CCDC134: variants seen among roughly 807,000 people sequenced by gnomAD.
CCDC134 encodes coiled-coil domain containing 134, also known as coiled-coil domain-containing protein 134.
In CCDC134, 27 loss-of-function variants were observed where a neutral mutation model predicts 25.6. The ratio of observed to expected loss-of-function variants is 1.05; its 90% CI spans 0.78 to 1.45. CCDC134 has a LOEUF of 1.45. Among genes scored for constraint, CCDC134 ranks in the 40% most tolerant of loss-of-function variants. The pLI, the probability that CCDC134 is intolerant of heterozygous loss-of-function variation, is 0.00. For missense variants in CCDC134, 261 were observed against 286.7 expected (o/e 0.91, Z 0.65); for synonymous variants, 110 against 115.0 (o/e 0.96, Z 0.28).
chr22:41,810,131 G>A, intron 3 of CCDC134, 76 bp from the exon 4 acceptor site: 1 of 1,593,634 alleles, frequency 6.3e-7, no homozygotes, highest in Non-Finnish European at 8.6e-7. Flanking sequence ...CTTGAAGTGG[G>A]GTTTAAATAA....
chr22:41,817,506 C>T (rs114633629), intron 6 of CCDC134, among the ~76,000 whole-genome samples: 2,595 of 151,976 alleles, frequency 0.017, 86 homozygotes, highest in African/African-American at 0.058. Context: ...CCGAGGCAGG[C>T]GGATTGCCTG....
In CCDC134 at chr22:41,825,991, C is replaced by T; in HGVS notation, c.*168C>T. The T allele has an allele frequency of 1.1e-6, 1 of 880,164 alleles. No homozygotes were observed. The highest frequency in any genetic ancestry group is 1.7e-6 in the Non-Finnish European group (1 of 572,378). 54.5% of individuals were successfully genotyped at this position (880,164 alleles called of 1,614,324 possible). A position where few individuals can be genotyped will look rare whatever the true frequency, so the allele number is the denominator to read the frequency against. ...CTGAGCCCCAGCTGAAGGGACTGAG[C>T]CTCAGATGGCTGGATTTTCTCTCAG... On this transcript the variant is annotated 3_prime_UTR_variant, in exon 7 of 7. Coordinates refer to ENST00000255784, the MANE Select transcript of CCDC134 (RefSeq NM_024821.5). This position sits in a 1 kb window ranked among gnomAD's most constrained non-coding sequence, Gnocchi z 4.4.
At chr22:41,816,769 T>G (rs1312699514) in intron 6 of CCDC134, among the ~76,000 whole-genome samples, 1 of 151,984 alleles carries the variant, frequency 6.6e-6, no homozygotes, top group African/African-American at 2.4e-5. Context: ...AATACAAAAA[T>G]TATCCGGGTG....
intron 6 of CCDC134, among the ~76,000 whole-genome samples, chr22:41,819,907 C>T (rs145762771): frequency 0.011 from 1,602 of 146,702 alleles, 37 homozygotes; most frequent in African/African-American, 0.04. Flanking sequence ...GAGGTCTTCA[C>T]AAGGGCTTTG....
At chr22:41,813,957 T>C in intron 6 of CCDC134, 135 bp downstream of exon 6, 1 of 695,412 alleles carries the variant, frequency 1.4e-6, no homozygotes, top group East Asian at 2.6e-5. Context: ...CCAGAAGATA[T>C]CACTGACTCA....
chr22:41,808,275 A>G (rs1184185595), intron 1 of CCDC134, among the ~76,000 whole-genome samples: 1 of 151,946 alleles, frequency 6.6e-6, no homozygotes, highest in Non-Finnish European at 1.5e-5. Flanking sequence ...AAGCCCCCTT[A>G]CCCCGAGACT....
chr22:41,815,494 C>T (rs541284912), intron 6 of CCDC134, among the ~76,000 whole-genome samples: 11 of 152,146 alleles, frequency 7.2e-5, no homozygotes, highest in African/African-American at 1.4e-4. Flanking sequence ...CGTGAGCCAC[C>T]GCACCCGGCC....
intron 2 of CCDC134, among the ~76,000 whole-genome samples, chr22:41,809,575 T>C (rs1210118021): frequency 6.6e-6 from 1 of 151,514 alleles, no homozygotes; most frequent in Admixed American, 6.6e-5. Context: ...AGCAGAGAGG[T>C]GGAGGCTCTG....
intron 1 of CCDC134, among the ~76,000 whole-genome samples, chr22:41,805,437 T>TA (rs139464918): frequency 6.6e-6 from 1 of 151,496 alleles, no homozygotes; most frequent in Non-Finnish European, 1.5e-5. Context: ...AAAAATAAAA[T>TA]AAAAAAAAGA....
At chr22:41,803,953 A>T (rs1197067419) in intron 1 of CCDC134, among the ~76,000 whole-genome samples, 1 of 151,730 alleles carries the variant, frequency 6.6e-6, no homozygotes, top group Non-Finnish European at 1.5e-5. Context: ...AACATGGTGA[A>T]ACCCCGTCTC....
chr22:41,814,646 A>C (rs1396152753), intron 6 of CCDC134, among the ~76,000 whole-genome samples: 2 of 151,554 alleles, frequency 1.3e-5, no homozygotes, highest in Non-Finnish European at 2.9e-5. Flanking sequence ...GCAGGAAGGA[A>C]GGGCTGTGGT....
intron 1 of CCDC134, among the ~76,000 whole-genome samples, chr22:41,805,805 CAT>C (rs1429394253): frequency 1.3e-5 from 2 of 152,128 alleles, no homozygotes; most frequent in Non-Finnish European, 2.9e-5. Context: ...GGCATGGTGA[CAT>C]GTGCTGGTAG....
intron 4 of CCDC134, among the ~76,000 whole-genome samples, chr22:41,811,959 G>A (rs2076598541): frequency 6.6e-6 from 1 of 152,200 alleles, no homozygotes; most frequent in Non-Finnish European, 1.5e-5. Flanking sequence ...TCTTGCAGCA[G>A]GCTGTTTTCC....
chr22:41,825,601 G>A lies in CCDC134; in HGVS notation c.565-97G>A, dbSNP rs2076672956. The A allele has an allele frequency of 6.6e-7, 1 of 1,515,484 alleles. No individual in the cohort carries two copies. The highest frequency in any genetic ancestry group is 1.9e-5 in the Admixed American group (1 of 53,080). 93.9% of individuals were successfully genotyped at this position (1,515,484 alleles called of 1,614,324 possible). On this transcript the variant is annotated intron_variant, in intron 6 of 6. Coordinates refer to ENST00000255784, the MANE Select transcript of CCDC134 (RefSeq NM_024821.5). This position sits in a 1 kb window ranked among gnomAD's most constrained non-coding sequence, Gnocchi z 4.4. ...GTGTCTGGGGCAGGGCCTGTGTCCA[G>A]GGAACCTTCCTATTCCCACACCCCG...
intron 1 of CCDC134, among the ~76,000 whole-genome samples, chr22:41,807,408 A>G (rs933963198): frequency 4.6e-5 from 7 of 152,058 alleles, no homozygotes; most frequent in Non-Finnish European, 2.9e-5. Context: ...AGAAAAATAC[A>G]AAAAATAGCC....
At chr22:41,803,068 C>A (rs915420186) in intron 1 of CCDC134, among the ~76,000 whole-genome samples, 5 of 151,750 alleles carry the variant, frequency 3.3e-5, no homozygotes, top group African/African-American at 1.2e-4. Flanking sequence ...GAGCCGAGAT[C>A]GCACCATTGC....
chr22:41,816,940 A>G (rs985462031), intron 6 of CCDC134, among the ~76,000 whole-genome samples: 16 of 152,116 alleles, frequency 1.1e-4, no homozygotes, highest in Admixed American at 2.0e-4. Flanking sequence ...AACAAAAAGC[A>G]TATGTCCTAT....
chr22:41,807,422 C>T (rs1052327904), intron 1 of CCDC134, among the ~76,000 whole-genome samples: 1 of 151,956 alleles, frequency 6.6e-6, no homozygotes, highest in Non-Finnish European at 1.5e-5. Context: ...AATAGCCGTG[C>T]ATGGCGGCAT....
rs1162663424 is a variant in CCDC134 at position 41,828,053 on chromosome 22, G to C, written c.*2230G>C. On this transcript the variant is annotated 3_prime_UTR_variant, in exon 7 of 7. Transcript: ENST00000255784. ...CATACCTCAGGACAGTCAGTGGTGG[G>C]TCCAGCTTCGGCTGGAGGTTCTTTC... 6.6e-6 allele frequency among the ~76,000 whole-genome samples: 1 copy of C among 152,212 alleles called. No individual in the cohort carries two copies. Among genetic ancestry groups the C allele is most frequent in the East Asian group, 1.9e-4 (1 of 5,194 alleles).
Sources: gnomAD v4.1 joint callset for allele counts (sites outside exome capture counted in the v4.1 genomes callset) on GRCh38, gnomAD v4.1.1 for gene constraint, Gnocchi (gnomAD v3.1) non-coding constraint, MANE v1.5 for transcripts, NCBI Gene and HGNC (gene_info 2026-07-23, HGNC 2026-07-21) for gene names.